Variants in ADAM9 observed in about 807,000 individuals in gnomAD.
ADAM9 encodes the protein ADAM metallopeptidase domain 9.
A neutral mutation model predicts 108.1 loss-of-function variants in ADAM9; 54 were observed. The observed-to-expected ratio is 0.50, with a 90% CI of 0.40 to 0.63. The LOEUF (loss-of-function observed/expected upper bound fraction) is 0.63. Among genes scored for constraint, ADAM9 ranks in the 20% least tolerant of loss-of-function variants. The probability of loss-of-function intolerance (pLI) is 0.00; values close to 1 mark genes in which losing one functional copy is unlikely to be tolerated. For missense variants in ADAM9, 830 were observed against 997.7 expected (o/e 0.83, Z 2.26); for synonymous variants, 316 against 336.0 (o/e 0.94, Z 0.65).
chr8:39,010,448 C>G (rs972382115), intron 2 of ADAM9, among the ~76,000 whole-genome samples: 2 of 152,158 alleles, frequency 1.3e-5, no homozygotes, highest in Non-Finnish European at 2.9e-5. Context: ...AAGTCAGAGG[C>G]AGATGTGCCG....
chr8:39,096,533 A>G lies in ADAM9; in HGVS notation c.2298+5187A>G, dbSNP rs554732074. On this transcript the variant is annotated intron_variant, in intron 20 of 21. Coordinates refer to ENST00000487273, the MANE Select transcript of ADAM9 (RefSeq NM_003816.3). ...ACACAGATTCATTACTTTTTATGCT[A>G]TGCTTTTAACATTCTAACAAGATTT... 2.0e-5 allele frequency among the ~76,000 whole-genome samples: 3 copies of G among 152,264 alleles called. No individual in the cohort carries two copies. In the East Asian group the frequency reaches 5.8e-4, roughly 29 times the overall value.
At chr8:39,043,156 A>G in intron 12 of ADAM9, among the ~76,000 whole-genome samples, 1 of 151,992 alleles carries the variant, frequency 6.6e-6, no homozygotes, top group East Asian at 1.9e-4. Flanking sequence ...ATGTATGTAC[A>G]TTTTCTTTAT....
chr8:38,997,292 C>T, intron 1 of ADAM9, 132 bp downstream of exon 1: 1 of 1,084,998 alleles, frequency 9.2e-7, no homozygotes, highest in African/African-American at 1.6e-5. Context: ...GGCGCGGCCG[C>T]TCCAGGTGTG....
chr8:39,078,517 C>G (rs1296484508), intron 16 of ADAM9, among the ~76,000 whole-genome samples: 1 of 152,184 alleles, frequency 6.6e-6, no homozygotes, highest in Non-Finnish European at 1.5e-5. Flanking sequence ...CACGGTGGCT[C>G]ATGCCTGTAA....
chr8:39,041,158 T>G (rs924756543), intron 11 of ADAM9, among the ~76,000 whole-genome samples: 4 of 152,124 alleles, frequency 2.6e-5, no homozygotes, highest in African/African-American at 7.2e-5. Context: ...TAATTTCCAC[T>G]AGTTTTCAAA....
Position 39,025,869 on chromosome 8 carries a change from A to C in ADAM9, c.981A>C (p.Ala327=). 6.2e-7 allele frequency: 1 copy of C among 1,614,174 alleles called. No individual in the cohort carries two copies. Among genetic ancestry groups the C allele is most frequent in the Non-Finnish European group, 8.5e-7 (1 of 1,180,024 alleles). Residue 327 remains alanine (A), a synonymous_variant, in exon 10 of 22, where the codon GCA becomes GCC. Transcript: ENST00000487273. ...GAACAGTGTGTTCAAGGAGCCACGC[A>C]GGCGGGATTAATGTGGTACGTTGTT... is the stretch of plus-strand genomic sequence containing the variant. ...FVGTVCSRSH[A]GGINVFGQIT... is the part of the protein sequence containing the mutation.
At chr8:39,057,717 C>T (rs147918000) in intron 14 of ADAM9, among the ~76,000 whole-genome samples, 7 of 152,238 alleles carry the variant, frequency 4.6e-5, no homozygotes, top group Admixed American at 1.3e-4. Context: ...CTGGCCTTTT[C>T]GTTCAAGTTT....
intron 18 of ADAM9, among the ~76,000 whole-genome samples, chr8:39,086,774 GAT>G (rs770442322): frequency 1.3e-5 from 2 of 152,148 alleles, no homozygotes; most frequent in Non-Finnish European, 2.9e-5. Flanking sequence ...GACATAGTTT[GAT>G]CCTTCTGGGT....
At position 39,011,777 on chromosome 8, in the gene ADAM9, C is replaced by T; in HGVS notation, c.254+61C>T. On this transcript the variant is annotated intron_variant, in intron 3 of 21. Coordinates refer to ENST00000487273, the MANE Select transcript of ADAM9 (RefSeq NM_003816.3). ...GTTTTTCCAATAGTATATTGGTTTT[C>T]TTTCTAGTTTGATATGGTTTAGTGG... 3.4e-6 allele frequency: 5 copies of T among 1,465,614 alleles called. No homozygotes were observed. In the Admixed American group the frequency reaches 8.4e-5, roughly 25 times the overall value. 90.8% of individuals were successfully genotyped at this position (1,465,614 alleles called of 1,614,324 possible). A position where few individuals can be genotyped will look rare whatever the true frequency, so the allele number is the denominator to read the frequency against.
At chr8:39,040,543 A>G (rs1837427780) in intron 11 of ADAM9, among the ~76,000 whole-genome samples, 2 of 152,196 alleles carry the variant, frequency 1.3e-5, no homozygotes, top group Admixed American at 6.5e-5. Context: ...TTGTTTTTCT[A>G]CTATGGAGTT....
chr8:39,092,320 T>A (rs1839382102), intron 20 of ADAM9, among the ~76,000 whole-genome samples: 1 of 140,304 alleles, frequency 7.1e-6, no homozygotes, highest in Admixed American at 7.0e-5. Flanking sequence ...CTTCATTTTT[T>A]AATATATTTA....
chr8:39,033,276 A>G (rs1340282911), intron 11 of ADAM9, among the ~76,000 whole-genome samples: 2 of 152,218 alleles, frequency 1.3e-5, no homozygotes, highest in African/African-American at 2.4e-5. Context: ...CCTGTATCCT[A>G]TAACCTTACT....
chr8:39,087,420 T>G (rs1287413783), intron 18 of ADAM9, among the ~76,000 whole-genome samples: 1 of 152,242 alleles, frequency 6.6e-6, no homozygotes, highest in Non-Finnish European at 1.5e-5. Flanking sequence ...TTTTAATGGC[T>G]GTGTATCATT....
In ADAM9 at chr8:39,045,301, T is replaced by TGTGTGTGTACACCTAC. The variant is rs1564299765; in HGVS notation, c.1302+3184_1302+3185insGTGTGTGTACACCTAC. On this transcript the variant is annotated intron_variant, in intron 12 of 21. Coordinates refer to ENST00000487273, the MANE Select transcript of ADAM9 (RefSeq NM_003816.3). ...ATATGTATATGTGTGTGTACACCTA[T>TGTGTGTGTACACCTAC]ACATGTGTGTGTACACCTATACATG... 5.0e-3 allele frequency among the ~76,000 whole-genome samples: 403 copies of TGTGTGTGTACACCTAC among 81,016 alleles called. 99 individuals are homozygous for TGTGTGTGTACACCTAC. The highest frequency in any genetic ancestry group is 0.018 in the Middle Eastern group (3 of 164). 53.1% of individuals were successfully genotyped at this position (81,016 alleles called of 152,430 possible). A position where few individuals can be genotyped will look rare whatever the true frequency, so the allele number is the denominator to read the frequency against.
rs1331341676 is a variant in ADAM9 at position 39,077,333 on chromosome 8, G to T, written c.1803G>T (p.Trp601Cys). ...IQTPSRGTKC[W>C]GVDFQLGSDV... The stretch of plus-strand genomic sequence containing the variant: ...CGCCTAGTCGAGGCACCAAATGTTG[G>T]GGTGTGGATTTCCAGCTAGGATCAG... The change falls in exon 16 of 22, where the codon TGG (tryptophan) becomes TGT (cysteine). Residue 601 changes from tryptophan to cysteine, a missense_variant. Coordinates refer to ENST00000487273, the MANE Select transcript of ADAM9 (RefSeq NM_003816.3). 1 of 1,614,098 alleles carries T rather than the reference G, an allele frequency of 6.2e-7. No individual in the cohort carries two copies. The highest frequency in any genetic ancestry group is 2.2e-5 in the East Asian group (1 of 44,880).
chr8:39,006,016 C>T (rs542663526), intron 1 of ADAM9, among the ~76,000 whole-genome samples: 3 of 152,230 alleles, frequency 2.0e-5, no homozygotes, highest in East Asian at 3.9e-4. Flanking sequence ...CTTGAGGTCC[C>T]AAGATAACTT....
At chr8:39,074,855 T>C (rs1235931445) in intron 15 of ADAM9, among the ~76,000 whole-genome samples, 1 of 152,028 alleles carries the variant, frequency 6.6e-6, no homozygotes, top group African/African-American at 2.4e-5. Flanking sequence ...GCTTAACTTA[T>C]GTCTCTATCA....
At chr8:38,999,631 C>T (rs150968656) in intron 1 of ADAM9, among the ~76,000 whole-genome samples, 1 of 152,258 alleles carries the variant, frequency 6.6e-6, no homozygotes, top group East Asian at 1.9e-4. Context: ...TAGCCTTTTA[C>T]ATTTAAGAAT....
chr8:39,054,604 A>T, intron 13 of ADAM9, 31 bp downstream of exon 13: 18 of 843,400 alleles, frequency 2.1e-5, no homozygotes, highest in African/African-American at 7.8e-5. Flanking sequence ...GGAAACAGGA[A>T]AAAAAAAAAA....
Sources: gnomAD v4.1 joint callset for allele counts (sites outside exome capture counted in the v4.1 genomes callset) on GRCh38, gnomAD v4.1.1 for gene constraint, MANE v1.5 for transcripts, NCBI Gene and HGNC (gene_info 2026-07-23, HGNC 2026-07-21) for gene names.